The following TIMD4 variants were observed in gnomAD, a reference collection of about 807,000 sequenced individuals.
TIMD4 encodes T-cell immunoglobulin and mucin domain-containing protein 4.
TIMD4 carries 31 observed loss-of-function variants against 41.2 expected under a neutral mutation model. The observed-to-expected ratio is 0.75, with a 90% confidence interval of 0.57 to 1.01. The LOEUF (loss-of-function observed/expected upper bound fraction) is 1.01. Ranked by LOEUF, TIMD4 falls within the 50% of genes least tolerant of loss-of-function variation. The pLI, the probability that TIMD4 is intolerant of heterozygous loss-of-function variation, is 0.00. For synonymous variants in TIMD4, 204 were observed against 177.1 expected (o/e 1.15, Z -1.21); for missense variants, 479 against 472.5 (o/e 1.01, Z -0.13).
intron 2 of TIMD4, among the ~76,000 whole-genome samples, chr5:156,953,747 A>G (rs1759909541): frequency 6.6e-6 from 1 of 151,068 alleles, no homozygotes; most frequent in South Asian, 2.1e-4. Context: ...AATAGAGCCC[A>G]AGGATCCTCC....
At chr5:156,919,630 C>T (rs1581603799) in intron 8 of TIMD4, 89 bp from the exon 9 acceptor site, 1 of 1,041,566 alleles carries the variant, frequency 9.6e-7, no homozygotes, top group Non-Finnish European at 1.5e-6. Flanking sequence ...GTGCAATTAC[C>T]CTTAAAGTTC....
intron 4 of TIMD4, 105 bp downstream of exon 4, chr5:156,949,546 G>A: frequency 1.0e-6 from 1 of 952,390 alleles, no homozygotes; most frequent in Non-Finnish European, 1.6e-6. Context: ...TGGCACAAAA[G>A]ACCCAAAGAG....
chr5:156,920,381 G>T, intron 8 of TIMD4, 83 bp downstream of exon 8: 2 of 1,445,342 alleles, frequency 1.4e-6, no homozygotes, highest in Non-Finnish European at 1.9e-6. Context: ...ACAAGCTCAA[G>T]TCATTAAACC....
chr5:156,948,429 A>G lies in TIMD4; in HGVS notation c.831T>C (p.Ser277=). ...SMWKTSDSVS[S]PQPGASDTAV... ...CAGCCCCCCTACCTCCAGGCTGAGG[A>G]GAAGACACAGAATCACTCGTTTTCC... Residue 277 remains serine, a synonymous_variant, in exon 5 of 9, where the codon TCT becomes TCC. Coordinates refer to ENST00000274532, the MANE Select transcript of TIMD4 (RefSeq NM_138379.3). 6.7e-7 allele frequency: 1 copy of G among 1,498,570 alleles called. No individual in the cohort carries two copies. Among genetic ancestry groups the G allele is most frequent in the Admixed American group, 2.0e-5 (1 of 50,602 alleles). The allele number at this position is 1,498,570 out of a possible 1,614,324, so 92.8% of individuals were successfully genotyped here.
intron 1 of TIMD4, among the ~76,000 whole-genome samples, chr5:156,959,763 G>A (rs1332556333): frequency 2.6e-5 from 4 of 152,192 alleles, no homozygotes; most frequent in Non-Finnish European, 5.9e-5. Flanking sequence ...ATATAGGCCG[G>A]GTGTGGTGGC....
intron 5 of TIMD4, among the ~76,000 whole-genome samples, chr5:156,926,900 G>A (rs1198236474): frequency 6.6e-6 from 1 of 152,186 alleles, no homozygotes; most frequent in African/African-American, 2.4e-5. Context: ...GCTGAGAGGT[G>A]GAGTCATGTA....
intron 6 of TIMD4, chr5:156,924,565 A>G: frequency 6.4e-6 from 2 of 314,348 alleles, no homozygotes; most frequent in South Asian, 7.0e-5. Context: ...GCCTCTATCC[A>G]TTATCCACAG....
chr5:156,951,546 G>C lies in TIMD4; in HGVS notation c.645C>G (p.Pro215=), dbSNP rs148564157. The C allele has an allele frequency of 3.7e-6, 6 of 1,614,158 alleles. No homozygotes were observed. The highest frequency in any genetic ancestry group is 1.3e-5 in the African/African-American group (1 of 75,032). The change falls in exon 3 of 9, where the codon CCC becomes CCG. Residue 215 remains proline (P), a synonymous_variant. Transcript: ENST00000274532. ...LPEEATGLLT[P]EPSKEGPILT... ...GGATGGGCCCTTCCTTAGAAGGCTC[G>C]GGAGTCAGAAGACCTGTGGCTTCCT...
At chr5:156,945,253 C>T (rs1197154596) in intron 5 of TIMD4, among the ~76,000 whole-genome samples, 5 of 152,168 alleles carry the variant, frequency 3.3e-5, no homozygotes, top group Admixed American at 2.6e-4. Flanking sequence ...GGCCATTTAC[C>T]GGACAAGTTT....
chr5:156,963,205 G>T lies in TIMD4; in HGVS notation c.-7C>A. ...TGAGAGGTTCTTTGGACATTTTGACGGTTGACCGGACCCAGGAGTCTGTCT... is the reference window on the plus strand; with the variant it reads ...TGAGAGGTTCTTTGGACATTTTGACTGTTGACCGGACCCAGGAGTCTGTCT... On this transcript the variant is annotated 5_prime_UTR_variant, in exon 1 of 9. Coordinates refer to ENST00000274532, the MANE Select transcript of TIMD4 (RefSeq NM_138379.3). 1 of 1,614,038 alleles carries T rather than the reference G, an allele frequency of 6.2e-7. No homozygotes were observed. The highest frequency in any genetic ancestry group is 8.5e-7 in the Non-Finnish European group (1 of 1,179,932).
At chr5:156,926,936 G>C (rs1356906643) in intron 5 of TIMD4, among the ~76,000 whole-genome samples, 2 of 152,172 alleles carry the variant, frequency 1.3e-5, no homozygotes, top group Admixed American at 6.5e-5. Flanking sequence ...TGAGTTACAA[G>C]GGAACCATAC....
chr5:156,929,371 C>G (rs1442088019), intron 5 of TIMD4, among the ~76,000 whole-genome samples: 3 of 152,138 alleles, frequency 2.0e-5, no homozygotes, highest in South Asian at 2.1e-4. Context: ...ATCACTACCC[C>G]CTCTCCCCAC....
intron 5 of TIMD4, among the ~76,000 whole-genome samples, chr5:156,938,691 T>C (rs1234149761): frequency 6.6e-6 from 1 of 152,180 alleles, no homozygotes; most frequent in East Asian, 1.9e-4. Flanking sequence ...CTTCCTTCTC[T>C]ACCCTGCCTT....
chr5:156,931,266 G>A lies in TIMD4; in HGVS notation c.845-4954C>T, dbSNP rs536749660. Among the ~76,000 whole-genome samples, 209 of 152,166 alleles carry A rather than the reference G, an allele frequency of 1.4e-3. 5 individuals are homozygous for A. The highest frequency in any genetic ancestry group is 4.4e-4 in the Non-Finnish European group (30 of 68,028). Reference sequence around the variant, plus strand: ...CACAACTCTGAGATAATAAATTTGTGTGTTAAGCCAGTAAGTTTGAGGTCA... The same window carrying A: ...CACAACTCTGAGATAATAAATTTGTATGTTAAGCCAGTAAGTTTGAGGTCA... On this transcript the variant is annotated intron_variant, in intron 5 of 8. Transcript: ENST00000274532.
chr5:156,932,499 A>G (rs1759460461), intron 5 of TIMD4, among the ~76,000 whole-genome samples: 1 of 152,226 alleles, frequency 6.6e-6, no homozygotes, highest in South Asian at 2.1e-4. Flanking sequence ...AATTTTTAAC[A>G]GTAAGTACAT....
intron 1 of TIMD4, among the ~76,000 whole-genome samples, chr5:156,961,248 G>A (rs113254483): frequency 0.029 from 4,405 of 152,240 alleles, 84 homozygotes; most frequent in South Asian, 0.065. Flanking sequence ...TGGCGAGGAC[G>A]CAAAGAAAGA....
chr5:156,940,238 G>A (rs939863475), intron 5 of TIMD4, among the ~76,000 whole-genome samples: 4 of 152,220 alleles, frequency 2.6e-5, no homozygotes, highest in East Asian at 3.9e-4. Flanking sequence ...GATTGCAGAC[G>A]GAGTCTCACT....
chr5:156,953,773 A>G (rs1759910139), intron 2 of TIMD4, among the ~76,000 whole-genome samples: 1 of 152,016 alleles, frequency 6.6e-6, no homozygotes. Context: ...ACACTGATGC[A>G]GGTGGAATAC....
intron 5 of TIMD4, among the ~76,000 whole-genome samples, chr5:156,946,242 T>C (rs1759738321): frequency 6.6e-6 from 1 of 152,146 alleles, no homozygotes; most frequent in Admixed American, 6.5e-5. Flanking sequence ...TGTCAGAAAA[T>C]AGTCCCCCAC....
Sources: gnomAD v4.1 joint callset for allele counts (sites outside exome capture counted in the v4.1 genomes callset) on GRCh38, gnomAD v4.1.1 for gene constraint, MANE v1.5 for transcripts, NCBI Gene and HGNC (gene_info 2026-07-23, HGNC 2026-07-21) for gene names.